ULK4: variants seen among roughly 807,000 people sequenced by gnomAD.
ULK4 encodes the protein inactive serine/threonine-protein kinase ULK4.
ULK4 carries 133 observed loss-of-function variants against 160.6 expected under a neutral mutation model. The ratio of observed to expected loss-of-function variants is 0.83; its 90% CI spans 0.72 to 0.96. ULK4 has a LOEUF of 0.96. ULK4 is among the 40% of genes least tolerant of loss of function. The pLI, the probability that ULK4 is intolerant of heterozygous loss-of-function variation, is 0.00. For missense variants in ULK4, 1,580 were observed against 1,499.5 expected (o/e 1.05, Z -0.89); for synonymous variants, 534 against 539.8 (o/e 0.99, Z 0.15).
chr3:41,788,257 C>T (rs1283162514), intron 21 of ULK4, among the ~76,000 whole-genome samples: 1 of 152,090 alleles, frequency 6.6e-6, no homozygotes, highest in African/African-American at 2.4e-5. Context: ...TTTTAAGTTT[C>T]ATTATAAAAA....
At chr3:41,335,862 G>A (rs962481853) in intron 35 of ULK4, among the ~76,000 whole-genome samples, 7 of 152,114 alleles carry the variant, frequency 4.6e-5, no homozygotes, top group Non-Finnish European at 8.8e-5. Flanking sequence ...AAAGGAACAC[G>A]TCAACATCAG....
At chr3:41,404,461 C>T (rs547843802) in intron 34 of ULK4, among the ~76,000 whole-genome samples, 24 of 152,114 alleles carry the variant, frequency 1.6e-4, no homozygotes, top group African/African-American at 5.1e-4. Flanking sequence ...CTTTCACCTG[C>T]CTATATCATT....
chr3:41,398,384 T>C, intron 34 of ULK4, 120 bp from the exon 35 acceptor site: 1 of 984,262 alleles, frequency 1.0e-6, no homozygotes, highest in Non-Finnish European at 1.4e-6. Flanking sequence ...TGAATACTTT[T>C]TTACTTTTTT....
chr3:41,398,073 A>T lies in ULK4; in HGVS notation c.3678+6T>A. 1 of 1,610,878 alleles carries T rather than the reference A, an allele frequency of 6.2e-7. No individual in the cohort carries two copies. Among genetic ancestry groups the T allele is most frequent in the Non-Finnish European group, 8.5e-7 (1 of 1,178,434 alleles). On this transcript the variant is annotated splice_donor_region_variant and intron_variant, in intron 35 of 36. Transcript: ENST00000301831. The stretch of plus-strand genomic sequence containing the variant: ...CACAGTGTCCCCGGTTTCTGTGTGA[A>T]CTCACCATTCTTCTGAGAATCCTTA...
intron 19 of ULK4, among the ~76,000 whole-genome samples, chr3:41,804,401 G>C (rs2040570411): frequency 6.6e-6 from 1 of 151,968 alleles, no homozygotes; most frequent in South Asian, 2.1e-4. Flanking sequence ...CGGATGAGTA[G>C]GTTGCAAAAA....
intron 34 of ULK4, among the ~76,000 whole-genome samples, chr3:41,409,119 G>A (rs1046133201): frequency 8.6e-5 from 13 of 152,010 alleles, no homozygotes; most frequent in Non-Finnish European, 4.4e-5. Context: ...AGCCAGACAC[G>A]GGAGCACACA....
At chr3:41,557,400 TA>T (rs1162411964) in intron 32 of ULK4, among the ~76,000 whole-genome samples, 2 of 151,688 alleles carry the variant, frequency 1.3e-5, no homozygotes, top group African/African-American at 2.4e-5. Flanking sequence ...ACTATTAATA[TA>T]AAAAAAGAAT....
At position 41,919,701 on chromosome 3, in the gene ULK4, T is replaced by C; in HGVS notation, c.643+16A>G. 1 of 1,605,546 alleles carries C rather than the reference T, an allele frequency of 6.2e-7. No individual in the cohort carries two copies. Reference sequence around the variant, plus strand: ...TAGTCCAGCTCTGATTTTATACCTATTCAGGAAACAATTACCTGAAAACAT... The same window carrying C: ...TAGTCCAGCTCTGATTTTATACCTACTCAGGAAACAATTACCTGAAAACAT... On this transcript the variant is annotated intron_variant, in intron 6 of 36. Coordinates refer to ENST00000301831, the MANE Select transcript of ULK4 (RefSeq NM_017886.4).
rs1559658130 is a variant in ULK4, at chr3:41,506,773, T to TATATAA, written c.3227-43521_3227-43520insTTATAT. Among the ~76,000 whole-genome samples, 82 of 20,094 alleles carry TATATAA rather than the reference T, an allele frequency of 4.1e-3. 4 individuals are homozygous for TATATAA. Among genetic ancestry groups the TATATAA allele is most frequent in the Middle Eastern group, 0.038 (1 of 26 alleles). The allele number at this position is 20,094 out of a possible 152,430, so 13.2% of individuals were successfully genotyped here. A position where few individuals can be genotyped will look rare whatever the true frequency, so the allele number is the denominator to read the frequency against. Reference sequence around the variant, plus strand: ...ACACTGGAGTGTGATTTAAAATATATATATATATATATATATATATATATA... The same window carrying TATATAA: ...ACACTGGAGTGTGATTTAAAATATATATATAAATATATATATATATATATATATATA... On this transcript the variant is annotated intron_variant, in intron 32 of 36. Coordinates refer to ENST00000301831, the MANE Select transcript of ULK4 (RefSeq NM_017886.4).
intron 4 of ULK4, among the ~76,000 whole-genome samples, chr3:41,934,458 G>C (rs1699696214): frequency 6.6e-6 from 1 of 152,174 alleles, no homozygotes; most frequent in Non-Finnish European, 1.5e-5. Flanking sequence ...CCAGTAATAT[G>C]TACAATTCCT....
intron 30 of ULK4, among the ~76,000 whole-genome samples, chr3:41,658,036 A>G (rs562826554): frequency 6.6e-6 from 1 of 152,274 alleles, no homozygotes; most frequent in Admixed American, 6.5e-5. Flanking sequence ...AAATAGAACA[A>G]AAAATATTAC....
chr3:41,865,222 G>A (rs996736256), intron 17 of ULK4, among the ~76,000 whole-genome samples: 2 of 122,848 alleles, frequency 1.6e-5, no homozygotes, highest in East Asian at 2.7e-4. Context: ...GCAGTGAACC[G>A]ATCACGCCAC....
intron 21 of ULK4, among the ~76,000 whole-genome samples, chr3:41,773,157 G>T (rs1488463815): frequency 6.6e-6 from 1 of 152,086 alleles, no homozygotes; most frequent in Non-Finnish European, 1.5e-5. Flanking sequence ...TTGAAAACTG[G>T]CACAAGACAG....
intron 29 of ULK4, among the ~76,000 whole-genome samples, chr3:41,670,501 A>G (rs556015898): frequency 2.0e-5 from 3 of 152,196 alleles, no homozygotes; most frequent in East Asian, 3.9e-4. Context: ...AATTAAATGG[A>G]TATGTAAATG....
At chr3:41,474,167 G>T (rs973008288) in intron 32 of ULK4, among the ~76,000 whole-genome samples, 1 of 152,106 alleles carries the variant, frequency 6.6e-6, no homozygotes, top group Non-Finnish European at 1.5e-5. Flanking sequence ...TAGACACATT[G>T]ACCAGTAGAA....
At chr3:41,500,351 A>T (rs1422415102) in intron 32 of ULK4, among the ~76,000 whole-genome samples, 1 of 151,624 alleles carries the variant, frequency 6.6e-6, no homozygotes, top group Non-Finnish European at 1.5e-5. Context: ...GATTTTTAAA[A>T]ACTATCAATG....
At chr3:41,692,236 C>G (rs1169333374) in intron 27 of ULK4, among the ~76,000 whole-genome samples, 1 of 148,548 alleles carries the variant, frequency 6.7e-6, no homozygotes, top group Non-Finnish European at 1.5e-5. Flanking sequence ...CAGGCGTGAG[C>G]CACCGCGCCG....
intron 30 of ULK4, among the ~76,000 whole-genome samples, chr3:41,638,184 T>A (rs756517294): frequency 6.6e-6 from 1 of 152,212 alleles, no homozygotes; most frequent in Non-Finnish European, 1.5e-5. Context: ...CTCTACCAAT[T>A]TGTTTTTTAA....
chr3:41,443,224 C>T (rs1658177988), intron 34 of ULK4, among the ~76,000 whole-genome samples: 1 of 152,228 alleles, frequency 6.6e-6, no homozygotes, highest in South Asian at 2.1e-4. Flanking sequence ...AATAATCCTA[C>T]AGTCAGCTCT....
Sources: gnomAD v4.1 joint callset for allele counts (sites outside exome capture counted in the v4.1 genomes callset) on GRCh38, gnomAD v4.1.1 for gene constraint, MANE v1.5 for transcripts, NCBI Gene and HGNC (gene_info 2026-07-23, HGNC 2026-07-21) for gene names.